The following STX8 variants were observed in gnomAD, a reference collection of about 807,000 sequenced individuals.
STX8 encodes syntaxin-8.
STX8 carries 23 observed loss-of-function variants against 37.5 expected under a neutral mutation model. The observed-to-expected ratio is 0.61, with a 90% CI of 0.44 to 0.87. STX8 has a LOEUF of 0.87. STX8 is among the 40% of genes least tolerant of loss of function. The pLI, the probability that STX8 is intolerant of heterozygous loss-of-function variation, is 0.00. For missense variants in STX8, 313 were observed against 284.7 expected (o/e 1.10, Z -0.71); for synonymous variants, 115 against 99.1 (o/e 1.16, Z -0.95).
chr17:9,263,428 G>A (rs1488839386), intron 7 of STX8, among the ~76,000 whole-genome samples: 3 of 148,864 alleles, frequency 2.0e-5, no homozygotes, highest in South Asian at 2.2e-4. Context: ...GCAGTGAGCC[G>A]AGATCGCGCC....
intron 4 of STX8, among the ~76,000 whole-genome samples, chr17:9,522,138 T>C (rs1905364859): frequency 1.3e-5 from 2 of 152,248 alleles, no homozygotes; most frequent in African/African-American, 4.8e-5. Flanking sequence ...GGAACACTTC[T>C]GTACCTTAAA....
chr17:9,335,567 C>A (rs1597611342), intron 7 of STX8, among the ~76,000 whole-genome samples: 2 of 151,978 alleles, frequency 1.3e-5, no homozygotes, highest in African/African-American at 4.8e-5. Flanking sequence ...AGAAAAAAAA[C>A]TGGAAAGATA....
rs77464510 is a variant in STX8, at chr17:9,448,958, A to G, written c.541+42871T>C. Among the ~76,000 whole-genome samples, 489 of 152,288 alleles carry G rather than the reference A, an allele frequency of 3.2e-3. 9 individuals carry two copies. In the East Asian group the frequency reaches 0.038, roughly 12 times the overall value. On this transcript the variant is annotated intron_variant, in intron 6 of 7. Transcript: ENST00000306357. ...ATATATATTACTGCAATCTTTTTTA[A>G]AAAGATACATAGATTAAAAAAATTT...
chr17:9,429,369 TTATA>T (rs1301091553), intron 6 of STX8, among the ~76,000 whole-genome samples: 3 of 145,472 alleles, frequency 2.1e-5, no homozygotes, highest in Non-Finnish European at 4.5e-5. Flanking sequence ...TAATAAATAT[TTATA>T]TATAACATAT....
intron 6 of STX8, among the ~76,000 whole-genome samples, chr17:9,446,421 T>C (rs758366266): frequency 6.6e-6 from 1 of 152,234 alleles, no homozygotes; most frequent in Non-Finnish European, 1.5e-5. Context: ...AACTGCACCA[T>C]TTCTGCTATT....
chr17:9,359,568 T>G (rs1910994880), intron 7 of STX8, among the ~76,000 whole-genome samples: 1 of 141,410 alleles, frequency 7.1e-6, no homozygotes, highest in Non-Finnish European at 1.5e-5. Flanking sequence ...AGTGCAGTGG[T>G]GCAATCTCGG....
At chr17:9,418,780 TCACGC>T (rs1810910025) in intron 6 of STX8, among the ~76,000 whole-genome samples, 1 of 113,136 alleles carries the variant, frequency 8.8e-6, no homozygotes, top group African/African-American at 3.4e-5. Context: ...TGAGCTGAGA[TCACGC>T]CACTGCACTC....
rs183219302 is a variant in STX8, at chr17:9,455,745, T to A, written c.541+36084A>T. Among the ~76,000 whole-genome samples the A allele has an allele frequency of 2.2e-4, 34 of 152,298 alleles. No homozygotes were observed. In the East Asian group the frequency reaches 4.2e-3, roughly 19 times the overall value. ...AAATATGGACAGGAATACAGACACTTCAGCAACAGTCAATGTCCTCTGCAG... is the reference window on the plus strand; with the variant it reads ...AAATATGGACAGGAATACAGACACTACAGCAACAGTCAATGTCCTCTGCAG... On this transcript the variant is annotated intron_variant, in intron 6 of 7. Coordinates refer to ENST00000306357, the MANE Select transcript of STX8 (RefSeq NM_004853.3).
intron 6 of STX8, among the ~76,000 whole-genome samples, chr17:9,395,648 C>T (rs1215574013): frequency 6.6e-6 from 1 of 152,166 alleles, no homozygotes; most frequent in Non-Finnish European, 1.5e-5. Context: ...TGGGTTTGTC[C>T]TGCTGTTCTT....
At chr17:9,348,619 G>A (rs958690090) in intron 7 of STX8, among the ~76,000 whole-genome samples, 3 of 152,112 alleles carry the variant, frequency 2.0e-5, no homozygotes, top group African/African-American at 7.2e-5. Context: ...GCAGTCATTT[G>A]TGCTAGTTGC....
rs950277479 is a variant in STX8 at position 9,413,130 on chromosome 17, G to A, written c.542-34477C>T. Among the ~76,000 whole-genome samples the A allele has an allele frequency of 2.6e-5, 4 of 152,302 alleles. 1 individual carries two copies. In the East Asian group the frequency reaches 7.7e-4, roughly 29 times the overall value. The stretch of plus-strand genomic sequence containing the variant: ...ATACCAGAAAGGAGGCTGTGCAATA[G>A]CACTGAGATGTAACAGGGAGCTGAA... On this transcript the variant is annotated intron_variant, in intron 6 of 7. Coordinates refer to ENST00000306357, the MANE Select transcript of STX8 (RefSeq NM_004853.3).
chr17:9,341,080 C>G (rs1054064871), intron 7 of STX8, among the ~76,000 whole-genome samples: 28 of 150,606 alleles, frequency 1.9e-4, no homozygotes, highest in African/African-American at 6.3e-4. Flanking sequence ...ACTCTTTTCT[C>G]TAGTAGATAC....
chr17:9,317,882 C>T (rs1038741220), intron 7 of STX8, among the ~76,000 whole-genome samples: 6 of 152,166 alleles, frequency 3.9e-5, no homozygotes, highest in Admixed American at 1.3e-4. Context: ...GAACAGAGTC[C>T]TCTGCTTTCT....
At chr17:9,564,742 A>T (rs1907386749) in intron 2 of STX8, among the ~76,000 whole-genome samples, 1 of 152,258 alleles carries the variant, frequency 6.6e-6, no homozygotes, top group Admixed American at 6.5e-5. Context: ...ATGCTCATGG[A>T]CAGCAAGAAG....
chr17:9,559,760 A>ATATATATTTTTTTTTTTTT, intron 2 of STX8, among the ~76,000 whole-genome samples: 11 of 24,490 alleles, frequency 4.5e-4, no homozygotes, highest in African/African-American at 2.1e-3. Context: ...ATATATATAT[A>ATATATATTTTTTTTTTTTT]TTTTTTTTTT....
chr17:9,405,966 T>C (rs1365245723), intron 6 of STX8, among the ~76,000 whole-genome samples: 2 of 152,204 alleles, frequency 1.3e-5, no homozygotes, highest in South Asian at 2.1e-4. Context: ...TTAGCGTGTA[T>C]AGATATGCCT....
At chr17:9,398,308 G>A (rs910349342) in intron 6 of STX8, among the ~76,000 whole-genome samples, 7 of 152,172 alleles carry the variant, frequency 4.6e-5, no homozygotes, top group African/African-American at 7.2e-5. Flanking sequence ...CACTTTATCT[G>A]TGATCTTCCA....
intron 2 of STX8, among the ~76,000 whole-genome samples, chr17:9,563,147 T>C (rs917605142): frequency 3.4e-5 from 5 of 148,560 alleles, no homozygotes; most frequent in Admixed American, 6.9e-5. Flanking sequence ...ATTCATTCAT[T>C]CATCCATTTA....
intron 6 of STX8, among the ~76,000 whole-genome samples, chr17:9,414,077 T>C (rs1227821135): frequency 2.7e-4 from 13 of 49,042 alleles, no homozygotes; most frequent in South Asian, 7.3e-4. Context: ...CATCCACCCA[T>C]CTGTCCATCC....
Sources: allele counts gnomAD v4.1 joint callset (sites outside exome capture counted in the v4.1 genomes callset), GRCh38; gene constraint gnomAD v4.1.1; transcripts MANE v1.5; gene names NCBI Gene and HGNC (gene_info 2026-07-23, HGNC 2026-07-21).